TMEM45A: variants seen among roughly 807,000 people sequenced by gnomAD.
TMEM45A encodes the protein DNA polymerase-transactivated protein 4.
Under a neutral mutation model 32.0 loss-of-function variants are expected in TMEM45A, and 25 were observed. The ratio of observed to expected loss-of-function variants is 0.78; its 90% CI spans 0.57 to 1.09. The LOEUF (loss-of-function observed/expected upper bound fraction) is 1.09, where lower values mean the gene tolerates loss of function less well. TMEM45A is among the 50% of genes least tolerant of loss of function. TMEM45A has a pLI of 0.00. For missense variants in TMEM45A, 302 were observed against 325.0 expected (o/e 0.93, Z 0.54); for synonymous variants, 122 against 114.8 (o/e 1.06, Z -0.40).
At chr3:100,559,248 A>G (rs940583805) in intron 4 of TMEM45A, among the ~76,000 whole-genome samples, 1 of 152,238 alleles carries the variant, frequency 6.6e-6, no homozygotes, top group Non-Finnish European at 1.5e-5. Context: ...ACATGCATAC[A>G]TATCTGTAAA....
In TMEM45A at chr3:100,506,306, A is replaced by G. The variant is rs144573688; in HGVS notation, c.-4+13378A>G. The stretch of plus-strand genomic sequence containing the variant: ...GCAATTTGCAAAAGTATTAAACTGC[A>G]TCTAAGTTACTTAAGCTCATCCCAG... On this transcript the variant is annotated intron_variant, in intron 1 of 5. Coordinates refer to ENST00000323523, the MANE Select transcript of TMEM45A (RefSeq NM_018004.3). Among the ~76,000 whole-genome samples the G allele has an allele frequency of 1.6e-4, 24 of 152,340 alleles. No individual in the cohort carries two copies. The East Asian group carries it at 3.1e-3, about 20-fold the overall frequency.
At chr3:100,571,319 C>A (rs1242826881) in intron 5 of TMEM45A, 1 of 151,914 alleles carries the variant, frequency 6.6e-6, no homozygotes. Context: ...TAAATGTCCA[C>A]GTGAGTACAT....
chr3:100,556,459 G>A, intron 2 of TMEM45A, among the ~76,000 whole-genome samples: 1 of 152,208 alleles, frequency 6.6e-6, no homozygotes, highest in East Asian at 1.9e-4. Flanking sequence ...AATAATTCAG[G>A]ATGTATCTCA....
At position 100,556,687 on chromosome 3, in the gene TMEM45A, G is replaced by T. The variant is rs527945200; in HGVS notation, c.191-73G>T. Reference sequence around the variant, plus strand: ...GGACATTAGATTGGAATAAGCAATGGACTAGTCCTCCTGCATCTTCTTGAA... The same window carrying T: ...GGACATTAGATTGGAATAAGCAATGTACTAGTCCTCCTGCATCTTCTTGAA... On this transcript the variant is annotated intron_variant, in intron 2 of 5. Coordinates refer to ENST00000323523, the MANE Select transcript of TMEM45A (RefSeq NM_018004.3). 1,332 of 1,352,284 alleles carry T rather than the reference G, an allele frequency of 9.8e-4. 25 individuals are homozygous for T. In the South Asian group the frequency reaches 0.016, roughly 16 times the overall value. The allele number at this position is 1,352,284 out of a possible 1,614,324, so 83.8% of individuals were successfully genotyped here.
intron 1 of TMEM45A, among the ~76,000 whole-genome samples, chr3:100,520,505 G>C (rs971425488): frequency 5.9e-5 from 9 of 152,102 alleles, no homozygotes; most frequent in African/African-American, 9.7e-5. Flanking sequence ...GCCCTTGCTG[G>C]GTTCTGGAAA....
At chr3:100,570,281 T>C (rs555165073) in intron 5 of TMEM45A, among the ~76,000 whole-genome samples, 49 of 152,306 alleles carry the variant, frequency 3.2e-4, no homozygotes, top group African/African-American at 1.0e-3. Context: ...AGAACAAACT[T>C]TCCACCCTTC....
chr3:100,552,815 T>C (rs1706136008), intron 1 of TMEM45A, among the ~76,000 whole-genome samples: 1 of 152,120 alleles, frequency 6.6e-6, no homozygotes, highest in Non-Finnish European at 1.5e-5. Flanking sequence ...GGATAGCCAG[T>C]GGGGAATAGA....
At position 100,573,507 on chromosome 3, in the gene TMEM45A, C is replaced by A. The variant is rs548993882; in HGVS notation, c.735-3418C>A. ...CAGCTTAAGGAGCTTTTGGGCTGAG[C>A]TGATGGGGTTTTCTAGATATACAAT... On this transcript the variant is annotated intron_variant, in intron 5 of 5. Transcript: ENST00000323523. The A allele has an allele frequency of 3.2e-3, 489 of 152,236 alleles. 2 individuals carry two copies. In the Middle Eastern group the frequency reaches 0.034, roughly 11 times the overall value. 9.4% of individuals were successfully genotyped at this position (152,236 alleles called of 1,614,324 possible).
At chr3:100,567,351 T>C (rs1202450843) in intron 4 of TMEM45A, among the ~76,000 whole-genome samples, 1 of 151,970 alleles carries the variant, frequency 6.6e-6, no homozygotes, top group African/African-American at 2.4e-5. Flanking sequence ...CTCAATTTTA[T>C]TTCATTGATC....
At chr3:100,554,846 G>A (rs1706181046) in intron 1 of TMEM45A, among the ~76,000 whole-genome samples, 1 of 152,138 alleles carries the variant, frequency 6.6e-6, no homozygotes, top group African/African-American at 2.4e-5. Context: ...CTTAATATTT[G>A]TGAGATTTGG....
intron 1 of TMEM45A, among the ~76,000 whole-genome samples, chr3:100,549,034 G>A (rs939301770): frequency 2.0e-5 from 3 of 152,112 alleles, no homozygotes; most frequent in African/African-American, 7.2e-5. Flanking sequence ...GATCACCTGA[G>A]GTCAGGAGTT....
chr3:100,516,686 G>A (rs1343955322), intron 1 of TMEM45A, among the ~76,000 whole-genome samples: 3 of 152,132 alleles, frequency 2.0e-5, no homozygotes, highest in South Asian at 4.1e-4. Context: ...GCTATGATGG[G>A]ATATTTTTCC....
intron 5 of TMEM45A, among the ~76,000 whole-genome samples, chr3:100,575,636 G>T (rs1706669135): frequency 6.6e-6 from 1 of 152,220 alleles, no homozygotes; most frequent in African/African-American, 2.4e-5. Context: ...CTCCCACAGT[G>T]CTGGGATTAT....
chr3:100,523,736 T>TCTCCTCCTTCTC (rs1162320602), intron 1 of TMEM45A, among the ~76,000 whole-genome samples: 46 of 146,200 alleles, frequency 3.1e-4, no homozygotes, highest in Non-Finnish European at 5.9e-4. Flanking sequence ...CCTCCTCCTT[T>TCTCCTCCTTCTC]CTCCTCCTTC....
intron 1 of TMEM45A, among the ~76,000 whole-genome samples, chr3:100,514,605 C>T (rs915492792): frequency 3.3e-5 from 5 of 151,962 alleles, no homozygotes; most frequent in African/African-American, 1.2e-4. Context: ...GCAATGGCAA[C>T]AAAAGCCAAA....
intron 1 of TMEM45A, among the ~76,000 whole-genome samples, chr3:100,509,300 C>A (rs1418118497): frequency 6.6e-6 from 1 of 152,104 alleles, no homozygotes; most frequent in African/African-American, 2.4e-5. Context: ...CTGGCAAGGA[C>A]ATGGAGAAAA....
intron 1 of TMEM45A, chr3:100,519,492 G>A: frequency 2.1e-6 from 3 of 1,453,562 alleles, no homozygotes; most frequent in Non-Finnish European, 2.8e-6. Flanking sequence ...AGAAGCAAAG[G>A]CTCAATTTTG....
intron 1 of TMEM45A, among the ~76,000 whole-genome samples, chr3:100,506,905 C>T (rs2148931866): frequency 6.6e-6 from 1 of 152,256 alleles, no homozygotes; most frequent in South Asian, 2.1e-4. Flanking sequence ...GTTCTAGAAC[C>T]AGAAGCCCTT....
At chr3:100,505,702 C>T (rs1335664388) in intron 1 of TMEM45A, among the ~76,000 whole-genome samples, 1 of 152,100 alleles carries the variant, frequency 6.6e-6, no homozygotes, top group Non-Finnish European at 1.5e-5. Flanking sequence ...ACCCTTTTGC[C>T]TGACACAACC....
Sources: gnomAD v4.1 joint callset for allele counts (sites outside exome capture counted in the v4.1 genomes callset) on GRCh38, gnomAD v4.1.1 for gene constraint, MANE v1.5 for transcripts, NCBI Gene and HGNC (gene_info 2026-07-23, HGNC 2026-07-21) for gene names.